Variants in TNRC6B observed in about 807,000 individuals in gnomAD.
TNRC6B encodes trinucleotide repeat-containing gene 6B protein.
TNRC6B carries 52 observed loss-of-function variants against 203.6 expected under a neutral mutation model. That is an observed-to-expected ratio of 0.26 (90% CI 0.20 to 0.32). TNRC6B has a LOEUF of 0.32. Ranked by LOEUF, TNRC6B falls within the 10% of genes least tolerant of loss-of-function variation. TNRC6B has a pLI of 1.00. For missense variants in TNRC6B, 1,923 were observed against 2,286.2 expected (o/e 0.84, Z 3.24); for synonymous variants, 838 against 845.7 (o/e 0.99, Z 0.16).
chr22:40,047,326 G>A (rs1034164786), intron 1 of TNRC6B, among the ~76,000 whole-genome samples: 3 of 152,162 alleles, frequency 2.0e-5, no homozygotes, highest in African/African-American at 4.8e-5. Flanking sequence ...ATTAGGCTGG[G>A]CGCGATGGCT....
At chr22:40,082,102 G>A (rs1406450355) in intron 1 of TNRC6B, among the ~76,000 whole-genome samples, 1 of 152,016 alleles carries the variant, frequency 6.6e-6, no homozygotes, top group African/African-American at 2.4e-5. Flanking sequence ...GGAAGTAGTT[G>A]AAAACAAAAA....
At chr22:40,051,764 A>T (rs980388755) in intron 1 of TNRC6B, among the ~76,000 whole-genome samples, 3 of 152,268 alleles carry the variant, frequency 2.0e-5, no homozygotes, top group Admixed American at 6.5e-5. Flanking sequence ...ATTTTCTAGT[A>T]GCTACATTAA....
At chr22:40,251,312 A>G in intron 3 of TNRC6B, 112 bp downstream of exon 3, 1 of 790,896 alleles carries the variant, frequency 1.3e-6, no homozygotes, top group South Asian at 2.1e-5. Context: ...TAGAGTAATT[A>G]AGGTGGGTTG....
At chr22:40,125,740 C>T in intron 2 of TNRC6B, 1 of 1,535,534 alleles carries the variant, frequency 6.5e-7, no homozygotes, top group African/African-American at 1.4e-5. Flanking sequence ...CCCTGAATTC[C>T]TTACATACTT....
chr22:40,282,190 T>C (rs1378900305), intron 11 of TNRC6B, among the ~76,000 whole-genome samples: 2 of 152,246 alleles, frequency 1.3e-5, no homozygotes, highest in Admixed American at 6.5e-5. Flanking sequence ...ATGATGATGT[T>C]CTGTCTCCAT....
intron 1 of TNRC6B, among the ~76,000 whole-genome samples, chr22:40,201,207 A>T (rs909376255): frequency 2.6e-4 from 40 of 152,142 alleles, no homozygotes; most frequent in Admixed American, 2.6e-3. Context: ...TTTAAAAAAA[A>T]TTTGGCTACC....
At chr22:40,061,818 A>G (rs940394640) in intron 1 of TNRC6B, among the ~76,000 whole-genome samples, 1 of 152,158 alleles carries the variant, frequency 6.6e-6, no homozygotes, top group African/African-American at 2.4e-5. Context: ...TCACACCTGT[A>G]ATCCCAGCAC....
chr22:40,128,516 C>T (rs1049497831), intron 3 of TNRC6B, among the ~76,000 whole-genome samples: 1 of 151,728 alleles, frequency 6.6e-6, no homozygotes, highest in Non-Finnish European at 1.5e-5. Flanking sequence ...TCTCTGTCAC[C>T]AAGTCTGGAG....
chr22:40,226,036 G>A (rs1194843027), intron 1 of TNRC6B, among the ~76,000 whole-genome samples: 2 of 152,140 alleles, frequency 1.3e-5, no homozygotes, highest in Non-Finnish European at 2.9e-5. Context: ...TTTCTCACTG[G>A]TGTATAATTT....
chr22:40,117,977 G>A (rs1007054655), intron 2 of TNRC6B, among the ~76,000 whole-genome samples: 1 of 152,146 alleles, frequency 6.6e-6, no homozygotes, highest in African/African-American at 2.4e-5. Context: ...AAGAAAGGAT[G>A]ACAGCAGTGA....
At chr22:40,247,929 G>C (rs1215099530) in intron 2 of TNRC6B, among the ~76,000 whole-genome samples, 1 of 152,090 alleles carries the variant, frequency 6.6e-6, no homozygotes, top group Non-Finnish European at 1.5e-5. Flanking sequence ...AAAAAAATTA[G>C]CCGAGTGTGG....
chr22:40,106,504 C>G (rs766524905), intron 1 of TNRC6B: 23 of 739,602 alleles, frequency 3.1e-5, no homozygotes, highest in Non-Finnish European at 5.2e-5. Flanking sequence ...ATCAGATCCT[C>G]CAGCAGATGA....
At chr22:40,179,271 A>G (rs2069103767) in intron 1 of TNRC6B, among the ~76,000 whole-genome samples, 1 of 152,162 alleles carries the variant, frequency 6.6e-6, no homozygotes, top group Admixed American at 6.5e-5. Context: ...TGAGAGTGTG[A>G]TGTAATGCTT....
rs766586997 is a variant in TNRC6B at position 40,178,110 on chromosome 22, G to C, written c.-26G>C. On this transcript the variant is annotated 5_prime_UTR_variant, in exon 1 of 23. Coordinates refer to ENST00000454349, the MANE Select transcript of TNRC6B (RefSeq NM_001162501.2). Reference sequence around the variant, plus strand: ...ATTTCTACCTTGTATGCCTCAATTTGCTGGATTTAAGCACTGCTGCACTTT... The same window carrying C: ...ATTTCTACCTTGTATGCCTCAATTTCCTGGATTTAAGCACTGCTGCACTTT... 2.8e-5 allele frequency: 45 copies of C among 1,610,592 alleles called. No homozygotes were observed. The South Asian group carries it at 5.0e-4, about 18-fold the overall frequency.
At chr22:40,246,340 C>A in intron 2 of TNRC6B, 1 of 261,044 alleles carries the variant, frequency 3.8e-6, no homozygotes, top group Non-Finnish European at 7.6e-6. Flanking sequence ...CAGGTGCACG[C>A]CACCACGCCT....
intron 12 of TNRC6B, among the ~76,000 whole-genome samples, chr22:40,291,456 T>C (rs1396141587): frequency 6.6e-6 from 1 of 152,104 alleles, no homozygotes. Flanking sequence ...TAAAGAAACC[T>C]CCAACCCAAA....
chr22:40,152,937 C>T (rs1016673378), intron 3 of TNRC6B, among the ~76,000 whole-genome samples: 2 of 151,670 alleles, frequency 1.3e-5, no homozygotes, highest in Non-Finnish European at 2.9e-5. Context: ...CCTGTCTGTA[C>T]TAAAAATACA....
In TNRC6B at chr22:40,331,763, A is replaced by G. The variant is rs979491653; in HGVS notation, c.*8522A>G. The G allele has an allele frequency of 3.4e-6, 1 of 292,158 alleles. No individual in the cohort carries two copies. The highest frequency in any genetic ancestry group is 6.2e-6 in the Non-Finnish European group (1 of 160,900). The allele number at this position is 292,158 out of a possible 1,614,324, so 18.1% of individuals were successfully genotyped here. A position where few individuals can be genotyped will look rare whatever the true frequency, so the allele number is the denominator to read the frequency against. On this transcript the variant is annotated 3_prime_UTR_variant, in exon 23 of 23. Coordinates refer to ENST00000454349, the MANE Select transcript of TNRC6B (RefSeq NM_001162501.2). Reference sequence around the variant, plus strand: ...ATTCTGCAAAGGGGGTGGGGAGGAGAGGGCAGAAAGGGGAAGGGAGTAGCG... The same window carrying G: ...ATTCTGCAAAGGGGGTGGGGAGGAGGGGGCAGAAAGGGGAAGGGAGTAGCG...
intron 3 of TNRC6B, among the ~76,000 whole-genome samples, chr22:40,131,568 A>G (rs1006024040): frequency 2.6e-5 from 4 of 152,100 alleles, no homozygotes; most frequent in African/African-American, 9.7e-5. Flanking sequence ...GCACATATTT[A>G]TTGAGCACCT....
Sources: allele counts gnomAD v4.1 joint callset (sites outside exome capture counted in the v4.1 genomes callset), GRCh38; gene constraint gnomAD v4.1.1; transcripts MANE v1.5; gene names NCBI Gene and HGNC (gene_info 2026-07-23, HGNC 2026-07-21).